The following PLEKHA5 variants were observed in gnomAD, a reference collection of about 807,000 sequenced individuals.
The protein encoded by PLEKHA5 is pleckstrin homology domain-containing family A member 5.
PLEKHA5 carries 55 observed loss-of-function variants against 181.9 expected under a neutral mutation model. That is an observed-to-expected ratio of 0.30 (90% confidence interval 0.24 to 0.38). PLEKHA5 has a LOEUF of 0.38. PLEKHA5 is among the 10% of genes least tolerant of loss of function. The pLI, the probability that PLEKHA5 is intolerant of heterozygous loss-of-function variation, is 1.00. For synonymous variants in PLEKHA5, 535 were observed against 529.4 expected (o/e 1.01, Z -0.15); for missense variants, 1,432 against 1,549.5 (o/e 0.92, Z 1.27).
At chr12:19,149,980 G>C (rs2039993418) in intron 3 of PLEKHA5, 1 of 152,208 alleles carries the variant, frequency 6.6e-6, no homozygotes, top group Non-Finnish European at 1.5e-5. Context: ...GTACAAGGTT[G>C]TAGATACAAG....
intron 15 of PLEKHA5, among the ~76,000 whole-genome samples, chr12:19,302,117 T>C (rs947814129): frequency 6.6e-6 from 1 of 152,210 alleles, no homozygotes; most frequent in East Asian, 1.9e-4. Flanking sequence ...GATTACGCTA[T>C]GGAGTTTTTT....
chr12:19,304,097 C>T (rs2082407337), intron 15 of PLEKHA5, among the ~76,000 whole-genome samples: 1 of 151,894 alleles, frequency 6.6e-6, no homozygotes, highest in Non-Finnish European at 1.5e-5. Context: ...GCGTGAGCCA[C>T]CGCGCATGGC....
chr12:19,329,126 G>A (rs2092580544), intron 20 of PLEKHA5, among the ~76,000 whole-genome samples: 1 of 152,140 alleles, frequency 6.6e-6, no homozygotes, highest in South Asian at 2.1e-4. Flanking sequence ...TTCTGTTTAT[G>A]TGGTGACTCA....
chr12:19,244,157 A>G (rs1478640456), intron 3 of PLEKHA5, among the ~76,000 whole-genome samples: 1 of 152,202 alleles, frequency 6.6e-6, no homozygotes, highest in Non-Finnish European at 1.5e-5. Context: ...AAACCTAATT[A>G]AGATTTGATT....
At chr12:19,181,538 G>A (rs557190629) in intron 3 of PLEKHA5, among the ~76,000 whole-genome samples, 1 of 152,318 alleles carries the variant, frequency 6.6e-6, no homozygotes, top group African/African-American at 2.4e-5. Context: ...AATTTGGGAG[G>A]CCTAGGCGGG....
intron 3 of PLEKHA5, among the ~76,000 whole-genome samples, chr12:19,235,894 G>A (rs137898775): frequency 6.6e-6 from 1 of 152,238 alleles, no homozygotes; most frequent in African/African-American, 2.4e-5. Flanking sequence ...ATGCACTGAG[G>A]TACAAATATA....
chr12:19,267,488 C>T (rs976761700), intron 8 of PLEKHA5, among the ~76,000 whole-genome samples: 1 of 150,842 alleles, frequency 6.6e-6, no homozygotes, highest in Non-Finnish European at 1.5e-5. Context: ...GGTGAAACCT[C>T]GTCTGTACTA....
intron 3 of PLEKHA5, among the ~76,000 whole-genome samples, chr12:19,230,378 G>C (rs2060324516): frequency 6.6e-6 from 1 of 152,188 alleles, no homozygotes; most frequent in Non-Finnish European, 1.5e-5. Flanking sequence ...CAGCCCTTGG[G>C]TGGTTGATGG....
chr12:19,376,231 G>A lies in PLEKHA5; in HGVS notation c.*712G>A, dbSNP rs188490976. ...AATACATGTGTACAGCAATAAGCAG[G>A]TTTCCAAATCCGGTACTTAGTTTGT... On this transcript the variant is annotated 3_prime_UTR_variant, in exon 32 of 32. Coordinates refer to ENST00000429027, the MANE Select transcript of PLEKHA5 (RefSeq NM_001256470.2). The A allele has an allele frequency of 2.0e-5, 3 of 152,274 alleles. No individual in the cohort carries two copies. Among genetic ancestry groups the A allele is most frequent in the Admixed American group, 2.0e-4 (3 of 15,230 alleles). 9.4% of individuals were successfully genotyped at this position (152,274 alleles called of 1,614,324 possible).
At chr12:19,348,599 T>TTAC in intron 25 of PLEKHA5, 80 bp downstream of exon 25, 2 of 1,132,048 alleles carry the variant, frequency 1.8e-6, no homozygotes, top group Non-Finnish European at 2.5e-6. Flanking sequence ...TAAATTCCAT[T>TTAC]TACATGTTGA....
chr12:19,290,290 T>C (rs781766829), intron 13 of PLEKHA5, among the ~76,000 whole-genome samples: 5 of 152,240 alleles, frequency 3.3e-5, no homozygotes, highest in Non-Finnish European at 5.9e-5. Context: ...CAGGTATTTG[T>C]ACTATTGCTG....
chr12:19,297,860 A>T (rs1026119572), intron 15 of PLEKHA5, among the ~76,000 whole-genome samples: 2 of 149,878 alleles, frequency 1.3e-5, no homozygotes, highest in African/African-American at 4.9e-5. Flanking sequence ...GTGTCTTTTT[A>T]TCAGTACATT....
chr12:19,364,704 C>T (rs1001822177), intron 29 of PLEKHA5, among the ~76,000 whole-genome samples: 1 of 151,682 alleles, frequency 6.6e-6, no homozygotes, highest in Non-Finnish European at 1.5e-5. Flanking sequence ...CTCTGTCGCC[C>T]AGGCTGGCGT....
At chr12:19,366,250 C>A in intron 30 of PLEKHA5, 141 bp downstream of exon 30, 1 of 670,266 alleles carries the variant, frequency 1.5e-6, no homozygotes, top group East Asian at 2.9e-5. Flanking sequence ...CCCAAGTGTA[C>A]CTTCAGGAGG....
intron 12 of PLEKHA5, among the ~76,000 whole-genome samples, chr12:19,285,584 C>G (rs1040149537): frequency 6.6e-6 from 1 of 152,106 alleles, no homozygotes; most frequent in Non-Finnish European, 1.5e-5. Flanking sequence ...CATTGTGTTC[C>G]TATTTGCTCT....
At chr12:19,318,418 G>T (rs1040896434) in intron 16 of PLEKHA5, among the ~76,000 whole-genome samples, 11 of 151,876 alleles carry the variant, frequency 7.2e-5, no homozygotes, top group African/African-American at 2.7e-4. Flanking sequence ...AAATAAATCT[G>T]CAATAAGATT....
At chr12:19,140,879 C>T (rs971574061) in intron 3 of PLEKHA5, among the ~76,000 whole-genome samples, 1 of 152,180 alleles carries the variant, frequency 6.6e-6, no homozygotes, top group African/African-American at 2.4e-5. Context: ...ACCTCTGCCT[C>T]CTGGGTTCAA....
chr12:19,246,759 C>T (rs1276003055), intron 3 of PLEKHA5, among the ~76,000 whole-genome samples: 1 of 151,956 alleles, frequency 6.6e-6, no homozygotes, highest in South Asian at 2.1e-4. Context: ...AATGAAGTTT[C>T]GCATGGTTTT....
At chr12:19,266,914 A>G (rs551921677) in intron 8 of PLEKHA5, among the ~76,000 whole-genome samples, 4 of 152,278 alleles carry the variant, frequency 2.6e-5, no homozygotes, top group Admixed American at 2.6e-4. Flanking sequence ...GGGTCTAAGT[A>G]CATCATGATC....
Sources: gnomAD v4.1 joint callset for allele counts (sites outside exome capture counted in the v4.1 genomes callset) on GRCh38, gnomAD v4.1.1 for gene constraint, MANE v1.5 for transcripts, NCBI Gene and HGNC (gene_info 2026-07-23, HGNC 2026-07-21) for gene names.